The following ZFPM2 variants were observed in gnomAD, a reference collection of about 807,000 sequenced individuals.
The protein encoded by ZFPM2 is zinc finger protein ZFPM2.
A neutral mutation model predicts 98.6 loss-of-function variants in ZFPM2; 20 were observed. The observed-to-expected ratio is 0.20, with a 90% CI of 0.14 to 0.29. The LOEUF (loss-of-function observed/expected upper bound fraction) is 0.29, where lower values mean the gene tolerates loss of function less well. ZFPM2 is among the 10% of genes least tolerant of loss of function. ZFPM2 has a pLI of 1.00. For synonymous variants in ZFPM2, 518 were observed against 502.7 expected, an observed-to-expected ratio of 1.03 and a Z score of -0.41; for missense variants, 1,310 against 1,388.6, an observed-to-expected ratio of 0.94 and a Z score of 0.90.
At chr8:105,577,167 G>T (rs1302376712) in intron 4 of ZFPM2, among the ~76,000 whole-genome samples, 1 of 152,078 alleles carries the variant, frequency 6.6e-6, no homozygotes, top group South Asian at 2.1e-4. Context: ...CATAAGTCAG[G>T]AACTCTTCTA....
chr8:105,653,691 C>A (rs1457301208), intron 5 of ZFPM2, among the ~76,000 whole-genome samples: 2 of 152,124 alleles, frequency 1.3e-5, no homozygotes, highest in Middle Eastern at 3.4e-3. Flanking sequence ...AAACAGTTAA[C>A]CTTGCTACAT....
chr8:105,563,167 C>A (rs1716391128), intron 4 of ZFPM2, among the ~76,000 whole-genome samples: 1 of 152,154 alleles, frequency 6.6e-6, no homozygotes, highest in South Asian at 2.1e-4. Flanking sequence ...CTGGGTTCAG[C>A]AACATTACAT....
intron 5 of ZFPM2, among the ~76,000 whole-genome samples, chr8:105,764,678 A>AT (rs200976912): frequency 1.9e-4 from 29 of 150,688 alleles, no homozygotes; most frequent in African/African-American, 5.1e-4. Context: ...TTTTTTCATG[A>AT]TTTTTTTTTC....
intron 3 of ZFPM2, among the ~76,000 whole-genome samples, chr8:105,492,292 T>G (rs1813370598): frequency 6.6e-6 from 1 of 152,214 alleles, no homozygotes; most frequent in Non-Finnish European, 1.5e-5. Flanking sequence ...GCTGATTATC[T>G]GTATACCAAT....
Position 105,443,326 on chromosome 8 carries a change from C to CAAA in ZFPM2, c.200-943_200-941dup, listed in dbSNP as rs60238590. ...AGACTCCTTCTCAAAAAACAAAAAACAAAAAAAAAAAAACTTGGCATTATT... is the reference window on the plus strand; with the variant it reads ...AGACTCCTTCTCAAAAAACAAAAAACAAAAAAAAAAAAAAAACTTGGCATTATT... On this transcript the variant is annotated intron_variant, in intron 2 of 7. Transcript: ENST00000407775. Among the ~76,000 whole-genome samples, 23 of 122,588 alleles carry CAAA rather than the reference C, an allele frequency of 1.9e-4. 2 individuals carry two copies. The highest frequency in any genetic ancestry group is 7.3e-4 in the African/African-American group (22 of 30,300). The allele number at this position is 122,588 out of a possible 152,430, so 80.4% of individuals were successfully genotyped here. A position where few individuals can be genotyped will look rare whatever the true frequency, so the allele number is the denominator to read the frequency against.
chr8:105,505,390 C>G (rs1813678212), intron 3 of ZFPM2, among the ~76,000 whole-genome samples: 1 of 152,136 alleles, frequency 6.6e-6, no homozygotes, highest in African/African-American at 2.4e-5. Flanking sequence ...TCTAGAGAAA[C>G]ACACACAGCA....
chr8:105,735,132 C>A (rs1812038419), intron 5 of ZFPM2, among the ~76,000 whole-genome samples: 1 of 147,658 alleles, frequency 6.8e-6, no homozygotes, highest in Non-Finnish European at 1.5e-5. Flanking sequence ...TATAATGTAT[C>A]TACATCTATA....
chr8:105,337,905 T>C (rs1170014255), intron 1 of ZFPM2, among the ~76,000 whole-genome samples: 1 of 151,744 alleles, frequency 6.6e-6, no homozygotes, highest in African/African-American at 2.4e-5. Context: ...AATGGTCATG[T>C]AAATGTTCTT....
chr8:105,664,102 A>C (rs1292563394), intron 5 of ZFPM2, among the ~76,000 whole-genome samples: 1 of 152,220 alleles, frequency 6.6e-6, no homozygotes, highest in Non-Finnish European at 1.5e-5. Context: ...ATGATTGAGA[A>C]AATCAACAAG....
At chr8:105,381,391 G>A (rs1810886156) in intron 1 of ZFPM2, among the ~76,000 whole-genome samples, 1 of 151,854 alleles carries the variant, frequency 6.6e-6, no homozygotes, top group South Asian at 2.1e-4. Flanking sequence ...CTTCTTGATT[G>A]ATAGTTAAGA....
At chr8:105,570,160 A>G (rs572372538) in intron 4 of ZFPM2, among the ~76,000 whole-genome samples, 1 of 152,200 alleles carries the variant, frequency 6.6e-6, no homozygotes, top group South Asian at 2.1e-4. Context: ...TCTATCTGCT[A>G]TGTGGAGAAT....
At chr8:105,338,142 A>G (rs1812361380) in intron 1 of ZFPM2, among the ~76,000 whole-genome samples, 1 of 151,858 alleles carries the variant, frequency 6.6e-6, no homozygotes, top group Admixed American at 6.6e-5. Context: ...CCATGATGTT[A>G]TTACAAAACA....
chr8:105,343,480 G>C (rs1812465272), intron 1 of ZFPM2, among the ~76,000 whole-genome samples: 1 of 152,114 alleles, frequency 6.6e-6, no homozygotes, highest in Non-Finnish European at 1.5e-5. Context: ...GCTATATTCG[G>C]ATATCTGGAG....
intron 3 of ZFPM2, among the ~76,000 whole-genome samples, chr8:105,506,285 T>A (rs1199181937): frequency 6.6e-6 from 1 of 152,220 alleles, no homozygotes; most frequent in Admixed American, 6.5e-5. Flanking sequence ...TATTCATAAA[T>A]GTTTTGAACA....
chr8:105,413,593 G>A (rs964405271), intron 1 of ZFPM2, among the ~76,000 whole-genome samples: 1 of 149,638 alleles, frequency 6.7e-6, no homozygotes, highest in African/African-American at 2.5e-5. Flanking sequence ...GGTTCCTTTT[G>A]TTTTATATAC....
At chr8:105,702,652 G>C (rs1811164277) in intron 5 of ZFPM2, among the ~76,000 whole-genome samples, 1 of 152,208 alleles carries the variant, frequency 6.6e-6, no homozygotes, top group Admixed American at 6.5e-5. Context: ...GAAATTGGTT[G>C]TTCATCCTCA....
chr8:105,490,061 A>C (rs985652040), intron 3 of ZFPM2, among the ~76,000 whole-genome samples: 37 of 152,134 alleles, frequency 2.4e-4, no homozygotes, highest in African/African-American at 8.9e-4. Context: ...AGCCCGACCA[A>C]CATGGTGAAA....
chr8:105,701,278 AAGTC>A (rs1212708762), intron 5 of ZFPM2, among the ~76,000 whole-genome samples: 1 of 152,170 alleles, frequency 6.6e-6, no homozygotes, highest in Non-Finnish European at 1.5e-5. Flanking sequence ...TGCTATTATA[AAGTC>A]AGTTCTGTTG....
chr8:105,391,585 T>C (rs979487756), intron 1 of ZFPM2, among the ~76,000 whole-genome samples: 1 of 151,728 alleles, frequency 6.6e-6, no homozygotes, highest in African/African-American at 2.4e-5. Flanking sequence ...GTCAATAATG[T>C]CTATAAAATA....
Sources: allele counts gnomAD v4.1 joint callset (sites outside exome capture counted in the v4.1 genomes callset), GRCh38; gene constraint gnomAD v4.1.1; transcripts MANE v1.5; gene names NCBI Gene and HGNC (gene_info 2026-07-23, HGNC 2026-07-21).